KCTD20: variants seen among roughly 807,000 people sequenced by gnomAD.
KCTD20 encodes BTB/POZ domain-containing protein KCTD20.
KCTD20 carries 30 observed loss-of-function variants against 39.6 expected under a neutral mutation model. The ratio of observed to expected loss-of-function variants is 0.76; its 90% CI spans 0.57 to 1.03. The LOEUF is 1.03. Among genes scored for constraint, KCTD20 ranks in the 50% least tolerant of loss-of-function variants. The probability of loss-of-function intolerance (pLI) is 0.00; values close to 1 mark genes in which losing one functional copy is unlikely to be tolerated. For missense variants in KCTD20, 422 were observed against 522.0 expected (o/e 0.81, Z 1.87); for synonymous variants, 162 against 180.6 (o/e 0.90, Z 0.83).
At chr6:36,472,050 G>C (rs1242225231) in intron 2 of KCTD20, among the ~76,000 whole-genome samples, 1 of 152,060 alleles carries the variant, frequency 6.6e-6, no homozygotes, top group African/African-American at 2.4e-5. Context: ...GGGTTTCACT[G>C]TGTTAGCCAG....
rs781588454 is a variant in KCTD20, at chr6:36,479,628, G to C, written c.575G>C (p.Gly192Ala). The C allele has an allele frequency of 7.5e-6, 12 of 1,609,320 alleles. No homozygotes were observed. The highest frequency in any genetic ancestry group is 1.0e-5 in the Non-Finnish European group (12 of 1,177,944). Residue 192 changes from glycine (G) to alanine (A), a missense_variant, in exon 5 of 8, where the codon GGC becomes GCC. Transcript: ENST00000373731. Reference protein sequence around the residue: ...YKTGIINCPDGISIPDLRDTC... With the variant: ...YKTGIINCPDAISIPDLRDTC... ...ACCGGTATCATCAATTGTCCTGATG[G>C]CATCTCTATCCCAGATCTTAGAGAT...
At chr6:36,468,160 G>A (rs1775815124) in intron 1 of KCTD20, among the ~76,000 whole-genome samples, 1 of 152,150 alleles carries the variant, frequency 6.6e-6, no homozygotes, top group Non-Finnish European at 1.5e-5. Flanking sequence ...GCAAATACCT[G>A]TTAAGTGCTG....
At chr6:36,457,513 G>A (rs1775474832) in intron 1 of KCTD20, among the ~76,000 whole-genome samples, 1 of 152,132 alleles carries the variant, frequency 6.6e-6, no homozygotes, top group African/African-American at 2.4e-5. Context: ...TTAGAGACCA[G>A]TTTAGGCAAC....
chr6:36,470,071 G>A lies in KCTD20; in HGVS notation c.-27G>A. The A allele has an allele frequency of 3.2e-6, 5 of 1,550,462 alleles. No individual in the cohort carries two copies. Among genetic ancestry groups the A allele is most frequent in the Non-Finnish European group, 4.4e-6 (5 of 1,141,010 alleles). On this transcript the variant is annotated 5_prime_UTR_variant, in exon 2 of 8. Transcript: ENST00000373731. ...TTCCAGGATTTCTCTCTGATCAAAC[G>A]GACAGTTCAGGACTCAGAATCTAAG...
At chr6:36,461,699 T>C (rs949707595) in intron 1 of KCTD20, among the ~76,000 whole-genome samples, 7 of 152,186 alleles carry the variant, frequency 4.6e-5, no homozygotes, top group Non-Finnish European at 1.0e-4. Context: ...TAGTCTTTTA[T>C]GTAAGTTAAA....
rs1018818845 is a variant in KCTD20 at position 36,490,002 on chromosome 6, T to G, written c.*2827T>G. 1 of 152,258 alleles carries G rather than the reference T, an allele frequency of 6.6e-6. No homozygotes were observed. Among genetic ancestry groups the G allele is most frequent in the Admixed American group, 6.5e-5 (1 of 15,280 alleles). The allele number at this position is 152,258 out of a possible 1,614,324, so 9.4% of individuals were successfully genotyped here. A position where few individuals can be genotyped will look rare whatever the true frequency, so the allele number is the denominator to read the frequency against. On this transcript the variant is annotated 3_prime_UTR_variant, in exon 8 of 8. Coordinates refer to ENST00000373731, the MANE Select transcript of KCTD20 (RefSeq NM_173562.5). ...GGTTAAGAAAGCAAGCCAGATTTAC[T>G]GCACAATATGCAGTACCCAGTACTA...
At chr6:36,478,081 C>G (rs1293372818) in intron 3 of KCTD20, among the ~76,000 whole-genome samples, 1 of 122,754 alleles carries the variant, frequency 8.1e-6, no homozygotes, top group African/African-American at 3.7e-5. Context: ...GGCAACAGAG[C>G]GAAACTCCAT....
intron 1 of KCTD20, among the ~76,000 whole-genome samples, chr6:36,468,643 G>A (rs893020769): frequency 6.6e-6 from 1 of 152,200 alleles, no homozygotes; most frequent in Admixed American, 6.5e-5. Context: ...TGGTGGTTCT[G>A]TTTGACTTTA....
intron 1 of KCTD20, among the ~76,000 whole-genome samples, chr6:36,458,918 T>C (rs1023732531): frequency 6.6e-6 from 1 of 151,928 alleles, no homozygotes; most frequent in Non-Finnish European, 1.5e-5. Context: ...AGTGGGAGGA[T>C]TGCTTGAGCC....
intron 1 of KCTD20, among the ~76,000 whole-genome samples, chr6:36,449,679 C>T (rs34041465): frequency 5.9e-5 from 9 of 152,196 alleles, no homozygotes; most frequent in Non-Finnish European, 1.3e-4. Context: ...TTCACATTGT[C>T]ATCCCTCTGT....
chr6:36,455,189 C>G (rs1303375394), intron 1 of KCTD20, among the ~76,000 whole-genome samples: 1 of 151,884 alleles, frequency 6.6e-6, no homozygotes, highest in Non-Finnish European at 1.5e-5. Flanking sequence ...GGGCGGATCA[C>G]CTGAGGTCAG....
chr6:36,484,642 T>A, intron 6 of KCTD20, 72 bp from the exon 7 acceptor site: 1 of 711,668 alleles, frequency 1.4e-6, no homozygotes, highest in Non-Finnish European at 2.5e-6. Context: ...TTCATTAGTT[T>A]GATTTTGTTA....
At chr6:36,458,843 G>A (rs1256058628) in intron 1 of KCTD20, among the ~76,000 whole-genome samples, 1 of 151,516 alleles carries the variant, frequency 6.6e-6, no homozygotes, top group Non-Finnish European at 1.5e-5. Flanking sequence ...AATTTAAAAA[G>A]GGGAAAAAAA....
intron 7 of KCTD20, 148 bp from the exon 8 acceptor site, chr6:36,486,735 G>A (rs1776433461): frequency 1.4e-6 from 1 of 698,794 alleles, no homozygotes; most frequent in Admixed American, 2.3e-5. Context: ...ACTGGGGCTG[G>A]GAAAGCATGG....
chr6:36,480,443 T>C (rs1037266538), intron 5 of KCTD20, among the ~76,000 whole-genome samples: 2 of 143,566 alleles, frequency 1.4e-5, no homozygotes, highest in African/African-American at 5.3e-5. Context: ...TAATTTGAGA[T>C]GGGGTCTTGC....
chr6:36,478,075 A>G (rs2127451087), intron 3 of KCTD20, among the ~76,000 whole-genome samples: 1 of 147,816 alleles, frequency 6.8e-6, no homozygotes, highest in South Asian at 2.1e-4. Context: ...AGCCTGGGCA[A>G]CAGAGCGAAA....
At position 36,470,134 on chromosome 6, in the gene KCTD20, T is replaced by C. The variant is rs1449995709; in HGVS notation, c.37T>C (p.Leu13=). 2 of 1,614,076 alleles carry C rather than the reference T, an allele frequency of 1.2e-6. No homozygotes were observed. The highest frequency in any genetic ancestry group is 1.1e-5 in the South Asian group (1 of 91,078). ...CCGTGGCAGTGACAGTGACAGGTTATTGCGGCAGGAGGCCAGCTGCTTAGT... is the reference window on the plus strand; with the variant it reads ...CCGTGGCAGTGACAGTGACAGGTTACTGCGGCAGGAGGCCAGCTGCTTAGT... ...VHRGSDSDRL[L]RQEASCLVDD... Residue 13 remains leucine (L), a synonymous_variant, in exon 2 of 8, where the codon TTG becomes CTG. Transcript: ENST00000373731.
At chr6:36,450,107 T>C (rs1350222630) in intron 1 of KCTD20, among the ~76,000 whole-genome samples, 1 of 139,716 alleles carries the variant, frequency 7.2e-6, no homozygotes, top group African/African-American at 2.8e-5. Flanking sequence ...GAGCTTGCAG[T>C]GAGCCGAGAT....
chr6:36,453,805 C>T (rs1051071670), intron 1 of KCTD20, among the ~76,000 whole-genome samples: 3 of 152,214 alleles, frequency 2.0e-5, no homozygotes, highest in South Asian at 2.1e-4. Flanking sequence ...CCACTGTGCC[C>T]GGCCTCTAAT....
Sources: gnomAD v4.1 joint callset for allele counts (sites outside exome capture counted in the v4.1 genomes callset) on GRCh38, gnomAD v4.1.1 for gene constraint, MANE v1.5 for transcripts, NCBI Gene and HGNC (gene_info 2026-07-23, HGNC 2026-07-21) for gene names.